Variants in LTBP1 observed in about 807,000 individuals in gnomAD.
The protein encoded by LTBP1 is latent transforming growth factor beta binding protein 1.
LTBP1 carries 129 observed loss-of-function variants against 207.6 expected under a neutral mutation model. That is an observed-to-expected ratio of 0.62 (90% CI 0.54 to 0.72). LTBP1 has a LOEUF of 0.72. Ranked by LOEUF, LTBP1 falls within the 30% of genes least tolerant of loss-of-function variation. The pLI, the probability that LTBP1 is intolerant of heterozygous loss-of-function variation, is 0.00. For synonymous variants in LTBP1, 963 were observed against 833.7 expected (o/e 1.16, Z -2.67); for missense variants, 2,281 against 2,217.2 (o/e 1.03, Z -0.58).
chr2:33,030,881 T>C (rs1318538281), intron 3 of LTBP1, among the ~76,000 whole-genome samples: 1 of 152,156 alleles, frequency 6.6e-6, no homozygotes, highest in Non-Finnish European at 1.5e-5. Context: ...GTTTCTTAGT[T>C]TTTTTTAGTG....
At chr2:33,047,472 C>T (rs945172872) in intron 3 of LTBP1, among the ~76,000 whole-genome samples, 6 of 152,130 alleles carry the variant, frequency 3.9e-5, no homozygotes, top group African/African-American at 7.2e-5. Context: ...GCACTGTGGC[C>T]TGAGAGACTG....
At chr2:33,242,542 C>T (rs1348708833) in intron 9 of LTBP1, among the ~76,000 whole-genome samples, 1 of 151,672 alleles carries the variant, frequency 6.6e-6, no homozygotes, top group Admixed American at 6.6e-5. Context: ...TTCTTTCTTC[C>T]TCAGAACTCC....
At position 33,353,885 on chromosome 2, in the gene LTBP1, A is replaced by C. The variant is rs573136129; in HGVS notation, c.4000+6375A>C. Among the ~76,000 whole-genome samples the C allele has an allele frequency of 2.1e-4, 29 of 137,264 alleles. 1 individual carries two copies. In the South Asian group the frequency reaches 6.2e-3, roughly 29 times the overall value. 90.1% of individuals were successfully genotyped at this position (137,264 alleles called of 152,430 possible). ...CTTTTTTTTTTTTTTTTTGAGACTG[A>C]GTCTCTCTCTGTCACCCAGGCTGGA... On this transcript the variant is annotated intron_variant, in intron 26 of 33. Coordinates refer to ENST00000404816, the MANE Select transcript of LTBP1 (RefSeq NM_206943.4).
chr2:33,014,392 A>G (rs556423669), intron 2 of LTBP1, among the ~76,000 whole-genome samples: 1 of 152,288 alleles, frequency 6.6e-6, no homozygotes, highest in Non-Finnish European at 1.5e-5. Flanking sequence ...ACCTCATGCT[A>G]TATTTCTTGT....
At chr2:33,170,024 C>T (rs2085273715) in intron 5 of LTBP1, among the ~76,000 whole-genome samples, 1 of 152,158 alleles carries the variant, frequency 6.6e-6, no homozygotes, top group African/African-American at 2.4e-5. Flanking sequence ...GGGGAAGCAG[C>T]CAAGATGGCC....
chr2:33,075,337 T>G (rs2078024582), intron 3 of LTBP1, among the ~76,000 whole-genome samples: 1 of 152,194 alleles, frequency 6.6e-6, no homozygotes, highest in Admixed American at 6.5e-5. Context: ...TTTAAAAATA[T>G]TTTTTGGGGG....
intron 5 of LTBP1, among the ~76,000 whole-genome samples, chr2:33,152,037 G>A (rs2083581961): frequency 6.6e-6 from 1 of 152,074 alleles, no homozygotes; most frequent in Admixed American, 6.6e-5. Flanking sequence ...GAACCCGAAA[G>A]CAAATGCAAT....
intron 31 of LTBP1, among the ~76,000 whole-genome samples, chr2:33,373,208 A>G (rs1359380090): frequency 6.6e-6 from 1 of 152,218 alleles, no homozygotes; most frequent in East Asian, 1.9e-4. Flanking sequence ...GTGTAGAAAG[A>G]TGGTTTTAAA....
At chr2:33,347,154 A>T (rs2094715154) in intron 25 of LTBP1, among the ~76,000 whole-genome samples, 2 of 151,186 alleles carry the variant, frequency 1.3e-5, no homozygotes, top group East Asian at 1.9e-4. Flanking sequence ...TAAATTCGGA[A>T]TTGTCTTGAA....
At chr2:33,377,579 G>T (rs62148935) in intron 31 of LTBP1, among the ~76,000 whole-genome samples, 139 of 152,324 alleles carry the variant, frequency 9.1e-4, no homozygotes, top group Middle Eastern at 6.8e-3. Flanking sequence ...ATTTCATTAT[G>T]ATAATAATCT....
intron 12 of LTBP1, among the ~76,000 whole-genome samples, chr2:33,258,532 T>A (rs2092922347): frequency 6.6e-6 from 1 of 152,176 alleles, no homozygotes; most frequent in Admixed American, 6.5e-5. Context: ...TCTTCCTTGG[T>A]GAGGCAGAAC....
Position 33,188,508 on chromosome 2 carries a change from T to G in LTBP1, c.1427-69T>G, listed in dbSNP as rs1043744835. The G allele has an allele frequency of 3.0e-4, 391 of 1,313,372 alleles. 2 individuals carry two copies. The highest frequency in any genetic ancestry group is 1.2e-3 in the Middle Eastern group (6 of 4,998). 81.4% of individuals were successfully genotyped at this position (1,313,372 alleles called of 1,614,324 possible). On this transcript the variant is annotated intron_variant, in intron 6 of 33. Transcript: ENST00000404816. ...TGCATGTTTATAAAATTTACTTTCA[T>G]GTTTTAAAACTTTTGATTTGCCTGT...
chr2:33,110,838 C>T, intron 4 of LTBP1, 87 bp downstream of exon 4: 1 of 1,201,224 alleles, frequency 8.3e-7, no homozygotes, highest in Non-Finnish European at 1.1e-6. Flanking sequence ...TTTAATGTGT[C>T]ACAGTAAATA....
chr2:33,350,928 A>G (rs1337641323), intron 26 of LTBP1, among the ~76,000 whole-genome samples: 2 of 152,194 alleles, frequency 1.3e-5, no homozygotes, highest in Non-Finnish European at 2.9e-5. Context: ...ATTCTGTGGT[A>G]GGAACTGCAT....
intron 3 of LTBP1, among the ~76,000 whole-genome samples, chr2:33,021,563 A>T (rs1402599065): frequency 6.6e-6 from 1 of 152,152 alleles, no homozygotes; most frequent in African/African-American, 2.4e-5. Context: ...GTTTTGAAAT[A>T]ATAATTTAAA....
intron 23 of LTBP1, among the ~76,000 whole-genome samples, chr2:33,312,202 A>G (rs1274194508): frequency 6.7e-6 from 1 of 150,042 alleles, no homozygotes; most frequent in Non-Finnish European, 1.5e-5. Flanking sequence ...TAGATTTCAG[A>G]GTTTGTTTAA....
At chr2:33,122,841 C>A (rs1009456295) in intron 4 of LTBP1, among the ~76,000 whole-genome samples, 5 of 152,144 alleles carry the variant, frequency 3.3e-5, no homozygotes, top group African/African-American at 1.2e-4. Flanking sequence ...TCTCTTGAGA[C>A]GTCTATCTCC....
At chr2:33,048,696 G>A (rs114848119) in intron 3 of LTBP1, among the ~76,000 whole-genome samples, 2,062 of 152,268 alleles carry the variant, frequency 0.014, 33 homozygotes, top group African/African-American at 0.045. Context: ...CGAGGGAAGC[G>A]TGTGTGCTCC....
At chr2:33,305,563 G>A (rs1018612462) in intron 22 of LTBP1, among the ~76,000 whole-genome samples, 6 of 152,236 alleles carry the variant, frequency 3.9e-5, no homozygotes, top group Admixed American at 3.9e-4. Context: ...GACCTGAGGG[G>A]CACCACGTCA....
Sources: allele counts gnomAD v4.1 joint callset (sites outside exome capture counted in the v4.1 genomes callset), GRCh38; gene constraint gnomAD v4.1.1; transcripts MANE v1.5; gene names NCBI Gene and HGNC (gene_info 2026-07-23, HGNC 2026-07-21).